Variants in FAT4 observed in about 807,000 individuals in gnomAD.
FAT4 encodes the protein FAT atypical cadherin 4.
A neutral mutation model predicts 303.9 loss-of-function variants in FAT4; 84 were observed. The ratio of observed to expected loss-of-function variants is 0.28; its 90% CI spans 0.23 to 0.33. The LOEUF (loss-of-function observed/expected upper bound fraction) is 0.33, where lower values mean the gene tolerates loss of function less well. Among genes scored for constraint, FAT4 ranks in the 10% least tolerant of loss-of-function variants. The probability of loss-of-function intolerance (pLI) is 1.00; values close to 1 mark genes in which losing one functional copy is unlikely to be tolerated. For synonymous variants in FAT4, 2,307 were observed against 2,298.8 expected, an observed-to-expected ratio of 1.00 and a Z score of -0.10; for missense variants, 6,005 against 6,146.8, an observed-to-expected ratio of 0.98 and a Z score of 0.77.
rs1180459976 is a variant in FAT4, at chr4:125,434,435, T to C, written c.7199+10T>C. The C allele has an allele frequency of 6.2e-7, 1 of 1,612,206 alleles. No individual in the cohort carries two copies. Among genetic ancestry groups the C allele is most frequent in the South Asian group, 1.1e-5 (1 of 90,722 alleles). ...AGAATGCAGTTATAAGGTCAGTACA[T>C]TTTCCTTTGTAAAGTTTGTCTGTTT... is the stretch of plus-strand genomic sequence containing the variant. On this transcript the variant is annotated intron_variant, in intron 8 of 17. Transcript: ENST00000394329.
rs1177882178 is a variant in FAT4 at position 125,320,789 on chromosome 4, A to G, written c.4378A>G (p.Ile1460Val). ...DINGQLSYTI[I>V]QQMPRGNHFT... ...TAATGGTCAACTATCCTACACAATC[A>G]TTCAACAGATGCCAAGAGGCAACCA... is the stretch of plus-strand genomic sequence containing the variant. Residue 1460 changes from isoleucine to valine, a missense_variant, in exon 2 of 18, where the codon ATT becomes GTT. Transcript: ENST00000394329. 7 of 1,614,162 alleles carry G rather than the reference A, an allele frequency of 4.3e-6. No homozygotes were observed. Among genetic ancestry groups the G allele is most frequent in the Non-Finnish European group, 5.1e-6 (6 of 1,179,966 alleles).
At chr4:125,444,068 T>C (rs1316777291) in intron 8 of FAT4, among the ~76,000 whole-genome samples, 1 of 152,132 alleles carries the variant, frequency 6.6e-6, no homozygotes, top group Non-Finnish European at 1.5e-5. Flanking sequence ...ACTAAATATA[T>C]TACCTACTTT....
rs913576278 is a variant in FAT4 at position 125,370,907 on chromosome 4, A to G, written c.5176-27877A>G. Among the ~76,000 whole-genome samples, 4 of 152,164 alleles carry G rather than the reference A, an allele frequency of 2.6e-5. 1 individual carries two copies. The East Asian group carries it at 7.7e-4, about 29-fold the overall frequency. ...ACGCCTGTAATCCCAGCACTTTGGG[A>G]GGCCAAGGCAGGCGGGTCACCTGAG... On this transcript the variant is annotated intron_variant, in intron 2 of 17. Transcript: ENST00000394329.
At chr4:125,412,428 C>A (rs990387884) in intron 5 of FAT4, among the ~76,000 whole-genome samples, 2 of 151,602 alleles carry the variant, frequency 1.3e-5, no homozygotes, top group African/African-American at 4.8e-5. Flanking sequence ...CAACAATAAT[C>A]TTCAGTTTAT....
At chr4:125,481,990 C>T (rs1433041412) in intron 16 of FAT4, among the ~76,000 whole-genome samples, 2 of 152,160 alleles carry the variant, frequency 1.3e-5, no homozygotes, top group Non-Finnish European at 2.9e-5. Flanking sequence ...GGTAGGCCAG[C>T]ACACAAAGAA....
At chr4:125,484,676 A>G (rs1212265686) in intron 16 of FAT4, among the ~76,000 whole-genome samples, 1 of 152,196 alleles carries the variant, frequency 6.6e-6, no homozygotes, top group Non-Finnish European at 1.5e-5. Flanking sequence ...GGTACAACCT[A>G]CTATACACCT....
Position 125,317,214 on chromosome 4 carries a change from G to A in FAT4, c.803G>A (p.Ser268Asn). Reference protein sequence around the residue: ...GVPEDAVVGSSVLQVAAADAD... With the variant: ...GVPEDAVVGSNVLQVAAADAD... Reference sequence around the variant, plus strand: ...CCTGAGGACGCGGTTGTGGGTTCCAGCGTCCTCCAGGTGGCGGCGGCGGAC... The same window carrying A: ...CCTGAGGACGCGGTTGTGGGTTCCAACGTCCTCCAGGTGGCGGCGGCGGAC... The change falls in exon 2 of 18, where the codon AGC becomes AAC. Residue 268 changes from serine (S) to asparagine (N), a missense_variant. Coordinates refer to ENST00000394329, the MANE Select transcript of FAT4 (RefSeq NM_001291303.3). The surrounding 1 kb of genome is among the most constrained non-coding windows in gnomAD (Gnocchi z 7.0). The A allele has an allele frequency of 6.3e-7, 1 of 1,587,402 alleles. No individual in the cohort carries two copies. Among genetic ancestry groups the A allele is most frequent in the Non-Finnish European group, 8.6e-7 (1 of 1,164,366 alleles).
chr4:125,440,367 C>G (rs1458518709), intron 8 of FAT4, among the ~76,000 whole-genome samples: 3 of 151,806 alleles, frequency 2.0e-5, no homozygotes, highest in Non-Finnish European at 4.4e-5. Context: ...AGTCCAGTGA[C>G]TTTTCTAAGT....
chr4:125,367,634 C>T (rs562509538), intron 2 of FAT4, among the ~76,000 whole-genome samples: 117 of 152,064 alleles, frequency 7.7e-4, no homozygotes, highest in African/African-American at 2.7e-3. Context: ...TTTTTTCAAC[C>T]GTATATCATA....
intron 2 of FAT4, among the ~76,000 whole-genome samples, chr4:125,387,077 G>T (rs917338613): frequency 1.3e-5 from 2 of 152,158 alleles, no homozygotes; most frequent in Non-Finnish European, 2.9e-5. Flanking sequence ...AGGAGGCAGA[G>T]CTCAGGCAGT....
At position 125,408,921 on chromosome 4, in the gene FAT4, A is replaced by G. The variant is rs1734734912; in HGVS notation, c.5920+127A>G. 1.5e-5 allele frequency: 7 copies of G among 478,790 alleles called. No individual in the cohort carries two copies. In the South Asian group the frequency reaches 3.7e-4, roughly 25 times the overall value. 29.7% of individuals were successfully genotyped at this position (478,790 alleles called of 1,614,324 possible). ...GTGAATATAGGTTGGAAGTTGAGGA[A>G]TAGAATTATAACTGAACTGTAGAGG... On this transcript the variant is annotated intron_variant, in intron 5 of 17. Transcript: ENST00000394329.
chr4:125,367,396 T>A (rs932500639), intron 2 of FAT4, among the ~76,000 whole-genome samples: 4 of 152,150 alleles, frequency 2.6e-5, no homozygotes, highest in Admixed American at 2.6e-4. Flanking sequence ...ATAGAGGGTA[T>A]TTTTCAAGGT....
At chr4:125,390,354 T>A (rs111538234) in intron 2 of FAT4, among the ~76,000 whole-genome samples, 2 of 152,282 alleles carry the variant, frequency 1.3e-5, no homozygotes, top group African/African-American at 4.8e-5. Context: ...TATTCCACAC[T>A]CTACACTCAT....
intron 11 of FAT4, among the ~76,000 whole-genome samples, chr4:125,467,594 T>C (rs1726710308): frequency 6.6e-6 from 1 of 152,230 alleles, no homozygotes; most frequent in African/African-American, 2.4e-5. Context: ...AACAGACAGC[T>C]ATTTTAAAGT....
At chr4:125,433,462 GT>G (rs1433936364) in intron 7 of FAT4, among the ~76,000 whole-genome samples, 2 of 152,164 alleles carry the variant, frequency 1.3e-5, no homozygotes. Context: ...TTGTCTTTCA[GT>G]TATGGGGACA....
intron 2 of FAT4, among the ~76,000 whole-genome samples, chr4:125,363,519 A>G (rs905163220): frequency 7.9e-5 from 12 of 151,668 alleles, no homozygotes; most frequent in African/African-American, 2.9e-4. Context: ...TTTTTTGAGA[A>G]AGAATCTTGC....
At chr4:125,362,205 C>T (rs1219628928) in intron 2 of FAT4, among the ~76,000 whole-genome samples, 3 of 151,950 alleles carry the variant, frequency 2.0e-5, no homozygotes, top group Admixed American at 1.3e-4. Context: ...TGATTAAAAG[C>T]GTATGTGTGT....
At chr4:125,423,607 A>G (rs563403922) in intron 7 of FAT4, among the ~76,000 whole-genome samples, 120 of 152,358 alleles carry the variant, frequency 7.9e-4, no homozygotes, top group African/African-American at 2.7e-3. Flanking sequence ...CTGCTGGGGC[A>G]TTGCCTCATG....
chr4:125,321,878 A>T (rs1473470443), intron 2 of FAT4, among the ~76,000 whole-genome samples: 1 of 152,166 alleles, frequency 6.6e-6, no homozygotes, highest in Non-Finnish European at 1.5e-5. Context: ...AAAAATCCAT[A>T]TATCTAAGCT....
Sources: gnomAD v4.1 joint callset for allele counts (sites outside exome capture counted in the v4.1 genomes callset) on GRCh38, gnomAD v4.1.1 for gene constraint, Gnocchi (gnomAD v3.1) non-coding constraint, MANE v1.5 for transcripts, NCBI Gene and HGNC (gene_info 2026-07-23, HGNC 2026-07-21) for gene names.